MESD: variants seen among roughly 807,000 people sequenced by gnomAD.
MESD encodes mesoderm development LRP chaperone.
A neutral mutation model predicts 12.9 loss-of-function variants in MESD; 7 were observed. That is an observed-to-expected ratio of 0.54 (90% CI 0.31 to 1.02). The LOEUF is 1.02. Among genes scored for constraint, MESD ranks in the 50% least tolerant of loss-of-function variants. MESD has a pLI of 0.05. For synonymous variants in MESD, 126 were observed against 115.6 expected, an observed-to-expected ratio of 1.09 and a Z score of -0.58; for missense variants, 342 against 296.7, an observed-to-expected ratio of 1.15 and a Z score of -1.12.
chr15:80,979,121 T>C lies in MESD; in HGVS notation c.*98A>G. ...CTTTCTAGAAGACACTAGAATGTCA[T>C]CCGGTGTGCAGTTGCCTGAGACCAC... On this transcript the variant is annotated 3_prime_UTR_variant, in exon 3 of 3. Coordinates refer to ENST00000261758, the MANE Select transcript of MESD (RefSeq NM_015154.3). 6.8e-7 allele frequency: 1 copy of C among 1,474,572 alleles called. No individual in the cohort carries two copies. The highest frequency in any genetic ancestry group is 9.1e-7 in the Non-Finnish European group (1 of 1,095,336). 91.3% of individuals were successfully genotyped at this position (1,474,572 alleles called of 1,614,324 possible).
intron 3 of MESD, among the ~76,000 whole-genome samples, chr15:80,969,775 A>G (rs950362305): frequency 1.3e-5 from 2 of 152,128 alleles, no homozygotes; most frequent in Non-Finnish European, 2.9e-5. Context: ...GAATCACTTG[A>G]ATCCGGGAGG....
chr15:80,968,397 C>T (rs1028993282), intron 3 of MESD, among the ~76,000 whole-genome samples: 36 of 152,356 alleles, frequency 2.4e-4, no homozygotes, highest in Admixed American at 3.9e-4. Flanking sequence ...ACAGCCCAGG[C>T]AGGATGTTAT....
At chr15:80,954,059 A>G (rs1402669987) in intron 3 of MESD, among the ~76,000 whole-genome samples, 1 of 152,076 alleles carries the variant, frequency 6.6e-6, no homozygotes, top group Non-Finnish European at 1.5e-5. Context: ...GAGTCCTCAT[A>G]ACATGGTAGA....
intron 1 of MESD, among the ~76,000 whole-genome samples, chr15:80,984,001 G>A (rs7177899): frequency 0.3 from 44,414 of 149,306 alleles, 8,768 homozygotes; most frequent in African/African-American, 0.57. Flanking sequence ...CCTGGGTTCA[G>A]GCGATTCTCC....
At chr15:80,988,995 G>C (rs1181256263) in intron 1 of MESD, among the ~76,000 whole-genome samples, 4 of 152,172 alleles carry the variant, frequency 2.6e-5, no homozygotes, top group African/African-American at 9.7e-5. Context: ...ACGATACAGA[G>C]CCATTAGCCA....
downstream of MESD, among the ~76,000 whole-genome samples, chr15:80,973,756 GTTT>G (rs111745876): frequency 0.028 from 4,288 of 151,808 alleles, 193 homozygotes; most frequent in African/African-American, 0.094. Flanking sequence ...ATTCATCATG[GTTT>G]TTGTTTTTTT....
intron 2 of MESD, among the ~76,000 whole-genome samples, chr15:80,981,194 T>C (rs1318857606): frequency 6.6e-6 from 1 of 151,458 alleles, no homozygotes; most frequent in Non-Finnish European, 1.5e-5. Flanking sequence ...TCCTAGCACT[T>C]TGGGAGGCTG....
At chr15:80,947,051 G>C (rs753839988), downstream of MESD, 1 of 1,612,866 alleles carries the variant, frequency 6.2e-7, no homozygotes, top group Non-Finnish European at 8.5e-7. Flanking sequence ...GCAGACAGGG[G>C]TCTCAAGTTG....
downstream of MESD, among the ~76,000 whole-genome samples, chr15:80,974,761 A>C (rs1902369141): frequency 7.3e-6 from 1 of 136,608 alleles, no homozygotes; most frequent in Admixed American, 7.3e-5. Context: ...AAAAAAAAAA[A>C]ACAACACTAA....
chr15:80,984,977 T>G (rs1902690485), intron 1 of MESD, among the ~76,000 whole-genome samples: 1 of 152,236 alleles, frequency 6.6e-6, no homozygotes, highest in South Asian at 2.1e-4. Flanking sequence ...TAACTAGCTG[T>G]GTGACCCTGC....
chr15:80,977,843 C>G lies in MESD; in HGVS notation c.*1376G>C, dbSNP rs536585561. 1.3e-5 allele frequency: 2 copies of G among 152,242 alleles called. No individual in the cohort carries two copies. Among genetic ancestry groups the G allele is most frequent in the Non-Finnish European group, 2.9e-5 (2 of 68,088 alleles). 9.4% of individuals were successfully genotyped at this position (152,242 alleles called of 1,614,324 possible). On this transcript the variant is annotated 3_prime_UTR_variant, in exon 3 of 3. Transcript: ENST00000261758. ...TCTTTCAGGGCCTAGTACCCTAGTA[C>G]GGTAGATCACACAGGCCTCACCCTG...
chr15:80,966,001 C>T (rs1902169286), intron 3 of MESD, among the ~76,000 whole-genome samples: 1 of 151,920 alleles, frequency 6.6e-6, no homozygotes, highest in Non-Finnish European at 1.5e-5. Flanking sequence ...TGAGGTATAG[C>T]CTCCTCCCCA....
At chr15:80,966,885 C>A (rs16972604) in intron 3 of MESD, among the ~76,000 whole-genome samples, 42,182 of 152,096 alleles carry the variant, frequency 0.28, 7,342 homozygotes, top group African/African-American at 0.5. Context: ...TTGAAGTGGC[C>A]AACTCCTCCT....
intron 1 of MESD, 41 bp downstream of exon 1, chr15:80,989,538 C>G (rs774470211): frequency 6.3e-7 from 1 of 1,594,666 alleles, no homozygotes; most frequent in Non-Finnish European, 8.6e-7. Context: ...AACAGGGTCC[C>G]GCACAGAGAA....
downstream of MESD, chr15:80,975,609 G>A (rs1279801512): frequency 6.6e-6 from 1 of 151,062 alleles, no homozygotes; most frequent in Non-Finnish European, 1.5e-5. Context: ...TGCATACTAA[G>A]TTGGTTTAAT....
intron 3 of MESD, among the ~76,000 whole-genome samples, chr15:80,967,855 T>G (rs1261305997): frequency 6.6e-6 from 1 of 152,212 alleles, no homozygotes; most frequent in East Asian, 1.9e-4. Flanking sequence ...GATTTAAAAT[T>G]GCAAGTTGGG....
chr15:80,948,761 G>C (rs762997717), exon 5 of MESD: 1 of 1,613,802 alleles, frequency 6.2e-7, no homozygotes, highest in Admixed American at 1.7e-5. Context: ...TCCTCTCATA[G>C]GGCTTTTGCT....
rs1056927023 is a variant in MESD at position 80,984,340 on chromosome 15, G to A, written c.214-2158C>T. Among the ~76,000 whole-genome samples, 6 of 152,104 alleles carry A rather than the reference G, an allele frequency of 3.9e-5. No individual in the cohort carries two copies. In the East Asian group the frequency reaches 5.8e-4, roughly 15 times the overall value. ...TATAACCTCAGCACTTTAGGAGGTC[G>A]AAGCTGGAGATCACCTGAGCACAGG... is the stretch of plus-strand genomic sequence containing the variant. On this transcript the variant is annotated intron_variant, in intron 1 of 2. Coordinates refer to ENST00000261758, the MANE Select transcript of MESD (RefSeq NM_015154.3).
At chr15:80,965,185 G>A (rs926382062) in intron 3 of MESD, among the ~76,000 whole-genome samples, 1 of 152,196 alleles carries the variant, frequency 6.6e-6, no homozygotes, top group Admixed American at 6.5e-5. Context: ...CATTTATGCA[G>A]CCAACAGACA....
Sources: allele counts gnomAD v4.1 joint callset (sites outside exome capture counted in the v4.1 genomes callset), GRCh38; gene constraint gnomAD v4.1.1; transcripts MANE v1.5; gene names NCBI Gene and HGNC (gene_info 2026-07-23, HGNC 2026-07-21).